OSTN: variants seen among roughly 807,000 people sequenced by gnomAD.
The protein encoded by OSTN is osteocrin.
In OSTN, 9 loss-of-function variants were observed where a neutral mutation model predicts 12.0. The ratio of observed to expected loss-of-function variants is 0.75; its 90% CI spans 0.45 to 1.30. OSTN has a LOEUF of 1.30. Ranked by LOEUF, OSTN falls within the 50% of genes most tolerant of loss-of-function variation. The pLI is 0.00. For missense variants in OSTN, 148 were observed against 152.3 expected (o/e 0.97, Z 0.15); for synonymous variants, 59 against 56.9 (o/e 1.04, Z -0.16).
chr3:191,242,759 A>C (rs1715349529), intron 3 of OSTN, among the ~76,000 whole-genome samples: 2 of 152,200 alleles, frequency 1.3e-5, no homozygotes, highest in Admixed American at 1.3e-4. Context: ...ATTTTATGAC[A>C]TAGGAGAATA....
At chr3:191,220,863 C>T (rs1714743598) in intron 3 of OSTN, among the ~76,000 whole-genome samples, 2 of 152,014 alleles carry the variant, frequency 1.3e-5, no homozygotes, top group Non-Finnish European at 2.9e-5. Flanking sequence ...CTATAGTATA[C>T]TAAATATACA....
intron 1 of OSTN, among the ~76,000 whole-genome samples, chr3:191,204,992 A>G (rs1202992201): frequency 6.6e-6 from 1 of 152,200 alleles, no homozygotes; most frequent in African/African-American, 2.4e-5. Context: ...GTGTTTCTAC[A>G]TACTATTTTA....
chr3:191,227,217 C>T (rs573283020), intron 3 of OSTN, among the ~76,000 whole-genome samples: 11 of 152,076 alleles, frequency 7.2e-5, no homozygotes, highest in Middle Eastern at 6.9e-3. Flanking sequence ...ATGCAAATTG[C>T]CTTTAGCCAT....
intron 4 of OSTN, among the ~76,000 whole-genome samples, chr3:191,261,452 G>A (rs1715808512): frequency 6.6e-6 from 1 of 152,170 alleles, no homozygotes; most frequent in Non-Finnish European, 1.5e-5. Context: ...GTCTTGTTAT[G>A]TAGATAAAAC....
At chr3:191,200,328 A>G (rs1560110619) in intron 1 of OSTN, among the ~76,000 whole-genome samples, 1 of 152,102 alleles carries the variant, frequency 6.6e-6, no homozygotes, top group African/African-American at 2.4e-5. Context: ...TAAGGTTGAC[A>G]TTTGCTTTCT....
At chr3:191,223,288 A>C (rs1375162695) in intron 3 of OSTN, among the ~76,000 whole-genome samples, 1 of 152,220 alleles carries the variant, frequency 6.6e-6, no homozygotes, top group East Asian at 1.9e-4. Flanking sequence ...ATATGCAAAA[A>C]TTTAGGGAAT....
intron 3 of OSTN, among the ~76,000 whole-genome samples, chr3:191,231,819 G>A (rs1208617833): frequency 6.6e-6 from 1 of 152,086 alleles, no homozygotes; most frequent in Admixed American, 6.6e-5. Context: ...TAAACTTTGT[G>A]TCATATGTCA....
At chr3:191,239,580 C>T (rs553002324) in intron 3 of OSTN, among the ~76,000 whole-genome samples, 1 of 152,226 alleles carries the variant, frequency 6.6e-6, no homozygotes, top group Admixed American at 6.5e-5. Flanking sequence ...TGACATTATG[C>T]CTAATCAGCA....
intron 4 of OSTN, among the ~76,000 whole-genome samples, chr3:191,261,993 G>A (rs1208629063): frequency 6.6e-6 from 1 of 152,166 alleles, no homozygotes; most frequent in African/African-American, 2.4e-5. Context: ...GAGGCGGGTG[G>A]ATCACCTGAG....
At chr3:191,219,295 G>T (rs1714703574) in intron 3 of OSTN, among the ~76,000 whole-genome samples, 2 of 152,164 alleles carry the variant, frequency 1.3e-5, no homozygotes, top group Admixed American at 1.3e-4. Context: ...CTGGTGAACT[G>T]AGTTTTCCAT....
intron 1 of OSTN, among the ~76,000 whole-genome samples, chr3:191,209,485 C>T (rs374197206): frequency 2.2e-4 from 34 of 152,260 alleles, no homozygotes; most frequent in African/African-American, 7.2e-4. Flanking sequence ...TTTATTGCTC[C>T]CTTCTAGAAA....
chr3:191,222,189 T>G (rs1443228379), intron 3 of OSTN, among the ~76,000 whole-genome samples: 2 of 152,086 alleles, frequency 1.3e-5, no homozygotes, highest in African/African-American at 4.8e-5. Flanking sequence ...GAAGGGAAAT[T>G]TTGGGTTGGA....
intron 1 of OSTN, among the ~76,000 whole-genome samples, chr3:191,207,274 T>C (rs1714299015): frequency 6.6e-6 from 1 of 152,212 alleles, no homozygotes; most frequent in African/African-American, 2.4e-5. Flanking sequence ...TATCAAGATT[T>C]ACTCACAAAC....
chr3:191,235,149 G>A (rs9842642), intron 3 of OSTN, among the ~76,000 whole-genome samples: 89,960 of 152,040 alleles, frequency 0.59, 28,250 homozygotes, highest in Middle Eastern at 0.73. Context: ...GGTAGTTGTT[G>A]TTCCCTACCC....
At chr3:191,220,043 G>T (rs1239671207) in intron 3 of OSTN, among the ~76,000 whole-genome samples, 1 of 152,104 alleles carries the variant, frequency 6.6e-6, no homozygotes, top group Admixed American at 6.6e-5. Context: ...AAACTCCTTT[G>T]CAAGAGCTAC....
intron 3 of OSTN, among the ~76,000 whole-genome samples, chr3:191,232,671 G>A (rs1715091619): frequency 6.6e-6 from 1 of 150,504 alleles, no homozygotes; most frequent in Admixed American, 6.6e-5. Context: ...TGAGATCTCG[G>A]CTCACTGCTC....
chr3:191,238,927 C>A (rs548835844), intron 3 of OSTN, among the ~76,000 whole-genome samples: 17 of 152,222 alleles, frequency 1.1e-4, no homozygotes, highest in Non-Finnish European at 2.2e-4. Context: ...CAGACCCTAA[C>A]CCTCAAAAGA....
At chr3:191,224,167 C>A (rs999752437) in intron 3 of OSTN, among the ~76,000 whole-genome samples, 4 of 151,884 alleles carry the variant, frequency 2.6e-5, no homozygotes, top group African/African-American at 9.7e-5. Flanking sequence ...CACCTGAGGT[C>A]GGGAGTTGGA....
At chr3:191,203,051 A>G (rs1714186459) in intron 1 of OSTN, among the ~76,000 whole-genome samples, 1 of 152,240 alleles carries the variant, frequency 6.6e-6, no homozygotes, top group Admixed American at 6.5e-5. Context: ...GTGATGTTAA[A>G]TACTAATGGA....
Sources: allele counts gnomAD v4.1 joint callset (sites outside exome capture counted in the v4.1 genomes callset), GRCh38; gene constraint gnomAD v4.1.1; transcripts MANE v1.5; gene names NCBI Gene and HGNC (gene_info 2026-07-23, HGNC 2026-07-21).